SPAG1: variants seen among roughly 807,000 people sequenced by gnomAD.
SPAG1 encodes sperm associated antigen 1.
Under a neutral mutation model 100.5 loss-of-function variants are expected in SPAG1, and 69 were observed. The ratio of observed to expected loss-of-function variants is 0.69; its 90% CI spans 0.57 to 0.84. The LOEUF is 0.84. SPAG1 is among the 40% of genes least tolerant of loss of function. The pLI is 0.00. For synonymous variants in SPAG1, 336 were observed against 411.6 expected (o/e 0.82, Z 2.22); for missense variants, 955 against 1,133.1 (o/e 0.84, Z 2.26).
intron 3 of SPAG1, 27 bp from the exon 4 acceptor site, chr8:100,177,789 T>C (rs1372989655): frequency 1.5e-6 from 2 of 1,313,378 alleles, no homozygotes; most frequent in African/African-American, 1.5e-5. Context: ...TTTCAAACTA[T>C]ATATTTACCC....
chr8:100,176,860 C>T lies in SPAG1; in HGVS notation c.301-956C>T, dbSNP rs529895701. On this transcript the variant is annotated intron_variant, in intron 3 of 18. Coordinates refer to ENST00000388798, the MANE Select transcript of SPAG1 (RefSeq NM_003114.5). ...TCTCCTCTTCTCTCTCCTCCCTCTC[C>T]CCTTCCCCATACCCCTCCCTCTCCC... Among the ~76,000 whole-genome samples the T allele has an allele frequency of 8.2e-5, 9 of 110,352 alleles. No individual in the cohort carries two copies. The South Asian group carries it at 2.3e-3, about 28-fold the overall frequency. 72.4% of individuals were successfully genotyped at this position (110,352 alleles called of 152,430 possible).
chr8:100,191,352 T>C (rs778880578), intron 8 of SPAG1, 38 bp from the exon 9 acceptor site: 7 of 1,392,128 alleles, frequency 5.0e-6, no homozygotes, highest in Middle Eastern at 2.0e-4. Context: ...TAATGCCACA[T>C]ATTAAAAAAC....
At chr8:100,222,001 G>A (rs1280631187) in intron 13 of SPAG1, among the ~76,000 whole-genome samples, 1 of 152,214 alleles carries the variant, frequency 6.6e-6, no homozygotes, top group Admixed American at 6.5e-5. Context: ...GAGATGAGAC[G>A]TCTTGAACCT....
At chr8:100,213,784 G>A in intron 11 of SPAG1, 35 bp from the exon 12 acceptor site, 2 of 1,326,052 alleles carry the variant, frequency 1.5e-6, no homozygotes, top group Non-Finnish European at 2.2e-6. Flanking sequence ...CTTGCTAATG[G>A]ATTTTAACTG....
chr8:100,240,326 A>G, intron 17 of SPAG1, 77 bp from the exon 18 acceptor site: 1 of 1,391,158 alleles, frequency 7.2e-7, no homozygotes. Flanking sequence ...TTCAATTCTC[A>G]TTCTGACAGA....
At chr8:100,196,432 G>T (rs11775692) in intron 10 of SPAG1, among the ~76,000 whole-genome samples, 25,488 of 152,016 alleles carry the variant, frequency 0.17, 2,458 homozygotes, top group South Asian at 0.23. Flanking sequence ...GTGTATAGTG[G>T]TTTCTCATCA....
intron 14 of SPAG1, among the ~76,000 whole-genome samples, chr8:100,227,884 T>A (rs1368497186): frequency 2.0e-5 from 3 of 148,952 alleles, no homozygotes; most frequent in Non-Finnish European, 4.4e-5. Flanking sequence ...TCTTGCTCTG[T>A]TGCGCAGGCT....
At chr8:100,183,835 T>A in intron 5 of SPAG1, 121 bp from the exon 6 acceptor site, 1 of 572,832 alleles carries the variant, frequency 1.7e-6, no homozygotes, top group Non-Finnish European at 3.1e-6. Flanking sequence ...ACTATTAACT[T>A]ACTACATATT....
At chr8:100,196,236 C>G (rs1380525084) in intron 10 of SPAG1, among the ~76,000 whole-genome samples, 1 of 152,176 alleles carries the variant, frequency 6.6e-6, no homozygotes, top group African/African-American at 2.4e-5. Flanking sequence ...GAGTAAATAG[C>G]TAAGAGTGGG....
chr8:100,174,860 A>G (rs1425274937), intron 3 of SPAG1, among the ~76,000 whole-genome samples: 1 of 152,082 alleles, frequency 6.6e-6, no homozygotes, highest in East Asian at 1.9e-4. Context: ...TTTTTTTGGC[A>G]TATTCATAAT....
chr8:100,229,940 T>C (rs76433545), intron 14 of SPAG1, among the ~76,000 whole-genome samples: 12,240 of 152,236 alleles, frequency 0.08, 1,453 homozygotes, highest in African/African-American at 0.26. Flanking sequence ...GATGGCCCCA[T>C]TTTCACATCA....
intron 1 of SPAG1, among the ~76,000 whole-genome samples, chr8:100,159,863 G>A (rs1203843545): frequency 6.6e-6 from 1 of 152,128 alleles, no homozygotes; most frequent in African/African-American, 2.4e-5. Flanking sequence ...ATTGAGACTC[G>A]TATCCTTAGT....
At chr8:100,223,519 C>T (rs1332637991) in intron 13 of SPAG1, among the ~76,000 whole-genome samples, 1 of 150,992 alleles carries the variant, frequency 6.6e-6, no homozygotes, top group Non-Finnish European at 1.5e-5. Flanking sequence ...TTTGTGAATC[C>T]CACATTTATG....
At chr8:100,207,273 G>T (rs571251050) in intron 10 of SPAG1, among the ~76,000 whole-genome samples, 3 of 152,154 alleles carry the variant, frequency 2.0e-5, no homozygotes, top group African/African-American at 7.2e-5. Flanking sequence ...AGGTTCTGAA[G>T]GCACAAATAA....
At chr8:100,221,497 T>C (rs1163594077) in intron 13 of SPAG1, among the ~76,000 whole-genome samples, 2 of 152,232 alleles carry the variant, frequency 1.3e-5, no homozygotes, top group African/African-American at 2.4e-5. Context: ...CTGATCCCAT[T>C]TGCTTAAAGT....
At chr8:100,196,512 T>C (rs996472094) in intron 10 of SPAG1, among the ~76,000 whole-genome samples, 3 of 152,224 alleles carry the variant, frequency 2.0e-5, no homozygotes, top group Admixed American at 6.5e-5. Flanking sequence ...TTACTTTTTG[T>C]GAAGTGTCTC....
chr8:100,187,020 G>T (rs1816614393), intron 7 of SPAG1, 100 bp from the exon 8 acceptor site: 2 of 1,156,662 alleles, frequency 1.7e-6, no homozygotes, highest in Non-Finnish European at 2.4e-6. Flanking sequence ...TCAGCCCATA[G>T]ACAGGTTATA....
Position 100,166,098 on chromosome 8 carries a change from T to C in SPAG1, c.300+125T>C, listed in dbSNP as rs368355055. 6.1e-6 allele frequency: 5 copies of C among 815,976 alleles called. No homozygotes were observed. In the African/African-American group the frequency reaches 7.0e-5, roughly 11 times the overall value. 50.5% of individuals were successfully genotyped at this position (815,976 alleles called of 1,614,324 possible). ...GGCTTTTAGTGTCAATTAGGCAGGA[T>C]TGGTTGCTTTTTACACCCAGGGGAA... On this transcript the variant is annotated intron_variant, in intron 3 of 18. Transcript: ENST00000388798.
chr8:100,222,097 C>T (rs982226559), intron 13 of SPAG1, among the ~76,000 whole-genome samples: 3 of 152,218 alleles, frequency 2.0e-5, no homozygotes, highest in Non-Finnish European at 2.9e-5. Flanking sequence ...CCCCACGGTG[C>T]GCCATCTGCT....
Sources: allele counts gnomAD v4.1 joint callset (sites outside exome capture counted in the v4.1 genomes callset), GRCh38; gene constraint gnomAD v4.1.1; transcripts MANE v1.5; gene names NCBI Gene and HGNC (gene_info 2026-07-23, HGNC 2026-07-21).